Variants in SERPINI1 observed in about 807,000 individuals in gnomAD.
SERPINI1 encodes serpin family I member 1, also known as neuroserpin.
In SERPINI1, 19 loss-of-function variants were observed where a neutral mutation model predicts 41.1. The observed-to-expected ratio is 0.46, with a 90% CI of 0.32 to 0.68. The LOEUF (loss-of-function observed/expected upper bound fraction) is 0.68. Ranked by LOEUF, SERPINI1 falls within the 30% of genes least tolerant of loss-of-function variation. The pLI, the probability that SERPINI1 is intolerant of heterozygous loss-of-function variation, is 0.03. For missense variants in SERPINI1, 460 were observed against 479.2 expected (o/e 0.96, Z 0.37); for synonymous variants, 138 against 156.6 (o/e 0.88, Z 0.89).
intron 5 of SERPINI1, among the ~76,000 whole-genome samples, chr3:167,800,333 A>T (rs954791755): frequency 6.6e-6 from 1 of 152,200 alleles, no homozygotes; most frequent in Non-Finnish European, 1.5e-5. Flanking sequence ...TTATGTGATT[A>T]TTACCTATTG....
intron 1 of SERPINI1, among the ~76,000 whole-genome samples, chr3:167,785,806 C>T (rs2108554246): frequency 6.6e-6 from 1 of 152,192 alleles, no homozygotes; most frequent in Admixed American, 6.5e-5. Context: ...TTTTTCTTAG[C>T]CTAAAATATG....
At chr3:167,742,235 A>C (rs752665664) in intron 1 of SERPINI1, among the ~76,000 whole-genome samples, 1 of 152,212 alleles carries the variant, frequency 6.6e-6, no homozygotes, top group Non-Finnish European at 1.5e-5. Flanking sequence ...TCTTAAAAGC[A>C]AATTTTTCCT....
In SERPINI1 at chr3:167,809,959, G is replaced by T. The variant is rs565516269; in HGVS notation, c.979+2618G>T. On this transcript the variant is annotated intron_variant, in intron 6 of 8. Coordinates refer to ENST00000446050, the MANE Select transcript of SERPINI1 (RefSeq NM_001122752.2). ...AAAGCAAACTTCCCAGTCTTTCAGT[G>T]GGAATTCTTTGATTATTACATTATT... Among the ~76,000 whole-genome samples, 58 of 152,190 alleles carry T rather than the reference G, an allele frequency of 3.8e-4. 1 individual carries two copies. Among genetic ancestry groups the T allele is most frequent in the Admixed American group, 9.8e-4 (15 of 15,276 alleles).
chr3:167,760,801 G>A (rs1009313670), intron 1 of SERPINI1, among the ~76,000 whole-genome samples: 1 of 152,118 alleles, frequency 6.6e-6, no homozygotes. Context: ...GAGATGTAAG[G>A]CATTAACATT....
intron 1 of SERPINI1, among the ~76,000 whole-genome samples, chr3:167,753,135 T>C (rs1270079069): frequency 6.6e-6 from 1 of 151,958 alleles, no homozygotes; most frequent in African/African-American, 2.4e-5. Context: ...AAGTATAGTC[T>C]ATATTGGATG....
intron 1 of SERPINI1, among the ~76,000 whole-genome samples, chr3:167,742,712 G>A (rs1283381254): frequency 6.6e-6 from 1 of 152,122 alleles, no homozygotes; most frequent in African/African-American, 2.4e-5. Flanking sequence ...AAAGGTTTGA[G>A]AATGACTTTT....
At chr3:167,775,436 T>A (rs1265958710) in intron 1 of SERPINI1, among the ~76,000 whole-genome samples, 4 of 151,714 alleles carry the variant, frequency 2.6e-5, no homozygotes, top group Admixed American at 1.3e-4. Context: ...ATTTTTGTAT[T>A]TTTAGTAGAG....
chr3:167,792,648 C>T lies in SERPINI1; in HGVS notation c.540C>T (p.Leu180=). 6.2e-7 allele frequency: 1 copy of T among 1,613,714 alleles called. No individual in the cohort carries two copies. Among genetic ancestry groups the T allele is most frequent in the Non-Finnish European group, 8.5e-7 (1 of 1,179,874 alleles). The change falls in exon 4 of 9, where the codon CTC becomes CTT. Residue 180 remains leucine (L), a synonymous_variant. Transcript: ENST00000446050. The part of the protein sequence containing the change: ...RDFDAATYLA[L]INAVYFKGNW... Reference sequence around the variant, plus strand: ...TTGATGCTGCCACTTATCTGGCCCTCATTAATGCTGTCTATTTCAAGGGGA... The same window carrying T: ...TTGATGCTGCCACTTATCTGGCCCTTATTAATGCTGTCTATTTCAAGGGGA...
At chr3:167,806,611 A>G (rs752598026) in intron 5 of SERPINI1, among the ~76,000 whole-genome samples, 2 of 152,222 alleles carry the variant, frequency 1.3e-5, no homozygotes, top group Admixed American at 6.5e-5. Context: ...TTTAGAGATC[A>G]CTATAACCAT....
intron 5 of SERPINI1, among the ~76,000 whole-genome samples, chr3:167,801,025 C>T (rs1046057015): frequency 6.6e-6 from 1 of 152,178 alleles, no homozygotes; most frequent in South Asian, 2.1e-4. Context: ...GCCATATTGG[C>T]CAGGCTGGTC....
intron 5 of SERPINI1, among the ~76,000 whole-genome samples, chr3:167,800,793 CTGTTT>C (rs10647517): frequency 5.3e-5 from 8 of 151,576 alleles, no homozygotes; most frequent in African/African-American, 7.3e-5. Context: ...TTTGTTGTTG[CTGTTT>C]TGTTTTGTTT....
intron 6 of SERPINI1, among the ~76,000 whole-genome samples, chr3:167,816,281 A>G (rs1401872636): frequency 6.6e-5 from 10 of 152,064 alleles, no homozygotes; most frequent in Admixed American, 2.6e-4. Context: ...ATCAGCCCCA[A>G]GCGATCAGCC....
chr3:167,737,267 A>T (rs1166571215), intron 1 of SERPINI1, among the ~76,000 whole-genome samples: 1 of 152,138 alleles, frequency 6.6e-6, no homozygotes, highest in Non-Finnish European at 1.5e-5. Context: ...ATAGAAATAT[A>T]TAGACAGATA....
At chr3:167,757,530 AC>A (rs1726232516) in intron 1 of SERPINI1, among the ~76,000 whole-genome samples, 1 of 152,136 alleles carries the variant, frequency 6.6e-6, no homozygotes, top group African/African-American at 2.4e-5. Flanking sequence ...ACACACACAC[AC>A]AAAATATATA....
chr3:167,780,330 C>T (rs1013892516), intron 1 of SERPINI1, among the ~76,000 whole-genome samples: 1 of 152,172 alleles, frequency 6.6e-6, no homozygotes, highest in East Asian at 1.9e-4. Context: ...CCTACTCTCT[C>T]TACACACTCC....
At chr3:167,740,448 A>G (rs952091862) in intron 1 of SERPINI1, among the ~76,000 whole-genome samples, 1 of 152,208 alleles carries the variant, frequency 6.6e-6, no homozygotes, top group Non-Finnish European at 1.5e-5. Flanking sequence ...TGACGTTTGT[A>G]TTCATTTTGA....
At chr3:167,743,209 T>C (rs1469416789) in intron 1 of SERPINI1, among the ~76,000 whole-genome samples, 1 of 152,154 alleles carries the variant, frequency 6.6e-6, no homozygotes, top group Non-Finnish European at 1.5e-5. Flanking sequence ...TAAGCCATTA[T>C]TCCCTAGAGG....
chr3:167,737,274 G>A (rs759937816), intron 1 of SERPINI1, among the ~76,000 whole-genome samples: 12 of 151,930 alleles, frequency 7.9e-5, no homozygotes, highest in Non-Finnish European at 1.6e-4. Flanking sequence ...TATATAGACA[G>A]ATAGATCATA....
chr3:167,792,331 T>TA (rs1727550974), intron 3 of SERPINI1, among the ~76,000 whole-genome samples: 2 of 149,934 alleles, frequency 1.3e-5, no homozygotes, highest in South Asian at 2.1e-4. Flanking sequence ...AATTTCTTTT[T>TA]TATATATATA....
Sources: gnomAD v4.1 joint callset for allele counts (sites outside exome capture counted in the v4.1 genomes callset) on GRCh38, gnomAD v4.1.1 for gene constraint, MANE v1.5 for transcripts, NCBI Gene and HGNC (gene_info 2026-07-23, HGNC 2026-07-21) for gene names.